Variants in EYS observed in about 807,000 individuals in gnomAD.
EYS encodes protein eyes shut homolog.
In EYS, 250 loss-of-function variants were observed where a neutral mutation model predicts 282.1. The observed-to-expected ratio is 0.89, with a 90% CI of 0.80 to 0.98. The LOEUF is 0.98. EYS is among the 50% of genes least tolerant of loss of function. The pLI is 0.00. For missense variants in EYS, 4,016 were observed against 3,709.0 expected (o/e 1.08, Z -2.15); for synonymous variants, 1,355 against 1,282.9 (o/e 1.06, Z -1.20).
At chr6:65,552,502 T>C (rs999836852) in intron 2 of EYS, among the ~76,000 whole-genome samples, 1 of 152,192 alleles carries the variant, frequency 6.6e-6, no homozygotes, top group Non-Finnish European at 1.5e-5. Context: ...CTGCAATTTT[T>C]TTTTCAAATA....
chr6:65,362,902 A>G (rs909378351), intron 8 of EYS, among the ~76,000 whole-genome samples: 1 of 152,110 alleles, frequency 6.6e-6, no homozygotes, highest in African/African-American at 2.4e-5. Flanking sequence ...AAAAAAAGAA[A>G]ATTAGAAAAG....
intron 26 of EYS, among the ~76,000 whole-genome samples, chr6:64,452,838 T>C (rs371934075): frequency 1.9e-4 from 29 of 152,182 alleles, no homozygotes; most frequent in South Asian, 1.0e-3. Flanking sequence ...CCCTTCCTTA[T>C]ACCTTATACA....
intron 22 of EYS, among the ~76,000 whole-genome samples, chr6:64,671,301 T>C (rs1187791319): frequency 6.6e-6 from 1 of 151,980 alleles, no homozygotes; most frequent in Non-Finnish European, 1.5e-5. Context: ...CCCTCATGAA[T>C]GAAACAGTAC....
chr6:65,100,554 G>T (rs565574743), intron 12 of EYS, among the ~76,000 whole-genome samples: 1 of 150,748 alleles, frequency 6.6e-6, no homozygotes, highest in African/African-American at 2.4e-5. Flanking sequence ...ACAAAAAAAG[G>T]AACAAAATTA....
intron 14 of EYS, among the ~76,000 whole-genome samples, chr6:64,948,620 G>GTAAATACTAGTATTAAATAGTAT: frequency 6.8e-6 from 1 of 146,484 alleles, no homozygotes; most frequent in Non-Finnish European, 1.5e-5. Context: ...TTAAATAATA[G>GTAAATACTAGTATTAAATAGTAT]TAAATACTAG....
chr6:64,344,145 G>C (rs1771262699), intron 29 of EYS, among the ~76,000 whole-genome samples: 1 of 151,908 alleles, frequency 6.6e-6, no homozygotes. Flanking sequence ...GGAGCTGGTA[G>C]CATTCCTTCT....
intron 5 of EYS, among the ~76,000 whole-genome samples, chr6:65,410,773 T>C (rs917835732): frequency 6.6e-6 from 1 of 151,754 alleles, no homozygotes; most frequent in Admixed American, 6.6e-5. Flanking sequence ...TGATTTATAA[T>C]AGCCAAAAAA....
intron 35 of EYS, among the ~76,000 whole-genome samples, chr6:63,942,047 A>G (rs1219142361): frequency 6.6e-6 from 1 of 152,220 alleles, no homozygotes; most frequent in Non-Finnish European, 1.5e-5. Flanking sequence ...GTATTGAAGT[A>G]GTCTACATAG....
intron 12 of EYS, among the ~76,000 whole-genome samples, chr6:65,181,610 G>A (rs565001310): frequency 6.6e-6 from 1 of 152,244 alleles, no homozygotes; most frequent in South Asian, 2.1e-4. Context: ...ACTGTTGGTG[G>A]GACTGTAAAC....
chr6:64,366,443 G>A (rs1303227153), intron 29 of EYS, among the ~76,000 whole-genome samples: 1 of 152,030 alleles, frequency 6.6e-6, no homozygotes, highest in Non-Finnish European at 1.5e-5. Flanking sequence ...TGGCTGAACT[G>A]TAAGCAAATA....
rs143164341 is a variant in EYS, at chr6:64,197,717, C to G, written c.6424+32875G>C. Among the ~76,000 whole-genome samples the G allele has an allele frequency of 2.6e-3, 392 of 150,914 alleles. 2 individuals carry two copies. Among genetic ancestry groups the G allele is most frequent in the African/African-American group, 8.7e-3 (360 of 41,284 alleles). On this transcript the variant is annotated intron_variant, in intron 31 of 42. Coordinates refer to ENST00000503581, the MANE Select transcript of EYS (RefSeq NM_001142800.2). ...TACCCCTTATCATTATATGGTATCT[C>G]TTTTTAATCTATTTAGTGGTTTTTA... is the stretch of plus-strand genomic sequence containing the variant.
At chr6:64,396,482 CA>C (rs757756080) in intron 28 of EYS, among the ~76,000 whole-genome samples, 2 of 151,950 alleles carry the variant, frequency 1.3e-5, no homozygotes, top group African/African-American at 4.8e-5. Context: ...ACCAATTGAT[CA>C]ATCTTTTCCT....
chr6:65,331,874 T>C (rs754887944), intron 11 of EYS: 13 of 327,078 alleles, frequency 4.0e-5, no homozygotes, highest in Non-Finnish European at 5.3e-5. Flanking sequence ...ATTGTATGGA[T>C]ATAACAAATT....
chr6:65,577,967 G>C (rs1257929285), intron 2 of EYS, among the ~76,000 whole-genome samples: 1 of 151,712 alleles, frequency 6.6e-6, no homozygotes. Flanking sequence ...GGGAACAACT[G>C]TACACCTGTT....
chr6:65,504,190 T>C (rs1041534672), intron 2 of EYS, among the ~76,000 whole-genome samples: 2 of 150,122 alleles, frequency 1.3e-5, no homozygotes, highest in Non-Finnish European at 3.0e-5. Context: ...ACCCAATTAT[T>C]TATTTATTTT....
intron 30 of EYS, among the ~76,000 whole-genome samples, chr6:64,241,660 TGTG>T (rs1354744469): frequency 6.8e-6 from 1 of 147,510 alleles, no homozygotes; most frequent in African/African-American, 2.6e-5. Flanking sequence ...AAGGTTTTTG[TGTG>T]TGTGTGTGTG....
At chr6:65,286,485 G>A (rs1582101805) in intron 12 of EYS, among the ~76,000 whole-genome samples, 1 of 151,634 alleles carries the variant, frequency 6.6e-6, no homozygotes, top group East Asian at 1.9e-4. Context: ...ATTTCTACAT[G>A]TGTTGAATTA....
chr6:65,449,295 A>G (rs1764313580), intron 5 of EYS, among the ~76,000 whole-genome samples: 1 of 152,146 alleles, frequency 6.6e-6, no homozygotes, highest in African/African-American at 2.4e-5. Flanking sequence ...ACGGCCAGTC[A>G]TATGACATTT....
intron 31 of EYS, among the ~76,000 whole-genome samples, chr6:64,162,863 C>T (rs1775150288): frequency 1.3e-5 from 2 of 152,010 alleles, no homozygotes; most frequent in African/African-American, 4.8e-5. Flanking sequence ...TTAGCTTCGA[C>T]CTTATGGTAC....
Sources: allele counts gnomAD v4.1 joint callset (sites outside exome capture counted in the v4.1 genomes callset), GRCh38; gene constraint gnomAD v4.1.1; transcripts MANE v1.5; gene names NCBI Gene and HGNC (gene_info 2026-07-23, HGNC 2026-07-21).